Variants in CNBD1 observed in about 807,000 individuals in gnomAD.
CNBD1 encodes the protein cyclic nucleotide-binding domain-containing protein 1.
A neutral mutation model predicts 54.4 loss-of-function variants in CNBD1; 71 were observed. The ratio of observed to expected loss-of-function variants is 1.30; its 90% CI spans 1.08 to 1.59. CNBD1 has a LOEUF of 1.59. Among genes scored for constraint, CNBD1 ranks in the 40% most tolerant of loss-of-function variants. The pLI is 0.00. For synonymous variants in CNBD1, 182 were observed against 170.7 expected, an observed-to-expected ratio of 1.07 and a Z score of -0.51; for missense variants, 659 against 518.0, an observed-to-expected ratio of 1.27 and a Z score of -2.64.
intron 5 of CNBD1, 42 bp downstream of exon 5, chr8:87,206,180 A>C (rs1982046): frequency 7.0e-7 from 1 of 1,426,972 alleles, no homozygotes; most frequent in African/African-American, 1.5e-5. Flanking sequence ...GATAAAATGC[A>C]GGCCACTGTT....
At chr8:87,198,082 G>A (rs1813758438) in intron 4 of CNBD1, among the ~76,000 whole-genome samples, 1 of 152,208 alleles carries the variant, frequency 6.6e-6, no homozygotes. Context: ...CTGGAAATTA[G>A]TCAAATGTTT....
rs537851226 is a variant in CNBD1, at chr8:86,955,901, T to C, written c.431+16147T>C. On this transcript the variant is annotated intron_variant, in intron 4 of 10. Coordinates refer to ENST00000518476, the MANE Select transcript of CNBD1 (RefSeq NM_173538.3). ...TTTGGTGTTTTAGTCATGAAGTCCT[T>C]GCCCATGCCTATATCCTGAATGGTA... 2.6e-5 allele frequency among the ~76,000 whole-genome samples: 4 copies of C among 152,348 alleles called. No homozygotes were observed. In the East Asian group the frequency reaches 7.7e-4, roughly 29 times the overall value.
intron 4 of CNBD1, among the ~76,000 whole-genome samples, chr8:87,185,514 T>G (rs1813455089): frequency 1.3e-5 from 2 of 152,212 alleles, no homozygotes; most frequent in Non-Finnish European, 2.9e-5. Flanking sequence ...TAGATATTGT[T>G]AGGCAGGATC....
chr8:87,371,122 T>C (rs1042129304), intron 10 of CNBD1, among the ~76,000 whole-genome samples: 33 of 151,796 alleles, frequency 2.2e-4, no homozygotes, highest in Admixed American at 3.3e-4. Context: ...GCTGTTTTGG[T>C]TACTGTAGCC....
chr8:87,060,593 GT>G (rs1315807291), intron 4 of CNBD1, among the ~76,000 whole-genome samples: 3 of 152,090 alleles, frequency 2.0e-5, no homozygotes, highest in Non-Finnish European at 4.4e-5. Context: ...CCATTGTATT[GT>G]GAAAGTTCAA....
At chr8:86,874,986 T>TCATATATATA (rs1554626871) in intron 1 of CNBD1, among the ~76,000 whole-genome samples, 1 of 120,120 alleles carries the variant, frequency 8.3e-6, no homozygotes, top group African/African-American at 3.5e-5. Context: ...GTAAATCAAT[T>TCATATATATA]TATATATATA....
At chr8:87,329,211 G>C (rs571642834) in intron 8 of CNBD1, among the ~76,000 whole-genome samples, 14 of 152,214 alleles carry the variant, frequency 9.2e-5, no homozygotes, top group African/African-American at 3.4e-4. Context: ...TGTTTTCAAG[G>C]ATCAGTTGAC....
In CNBD1 at chr8:86,934,432, G is replaced by A. The variant is rs551195914; in HGVS notation, c.273-5164G>A. ...TTGGATATTCCATATATAAGATCAC[G>A]TCATCTGCAAAAAATAACAGCTTTA... On this transcript the variant is annotated intron_variant, in intron 3 of 10. Transcript: ENST00000518476. 4.6e-5 allele frequency among the ~76,000 whole-genome samples: 7 copies of A among 152,074 alleles called. No homozygotes were observed. In the East Asian group the frequency reaches 7.7e-4, roughly 17 times the overall value.
intron 4 of CNBD1, among the ~76,000 whole-genome samples, chr8:87,115,541 C>A (rs145420069): frequency 5.0e-4 from 76 of 152,224 alleles, no homozygotes; most frequent in African/African-American, 1.7e-3. Flanking sequence ...GGAGTCCATA[C>A]CTGATAGACA....
chr8:87,181,650 T>G (rs1185370593), intron 4 of CNBD1, among the ~76,000 whole-genome samples: 3 of 152,202 alleles, frequency 2.0e-5, no homozygotes, highest in Non-Finnish European at 2.9e-5. Flanking sequence ...TTATTGATCT[T>G]CAAAAAACCA....
At chr8:87,344,721 C>T (rs772708520) in intron 8 of CNBD1, among the ~76,000 whole-genome samples, 13 of 152,158 alleles carry the variant, frequency 8.5e-5, no homozygotes, top group South Asian at 2.1e-4. Context: ...AAAAATTACT[C>T]ATACTGTACA....
intron 2 of CNBD1, among the ~76,000 whole-genome samples, chr8:87,391,081 G>T (rs1035591846): frequency 1.1e-4 from 16 of 151,786 alleles, no homozygotes; most frequent in Middle Eastern, 3.2e-3. Flanking sequence ...TCACACACCG[G>T]GGCCTGTTGT....
intron 8 of CNBD1, among the ~76,000 whole-genome samples, chr8:87,303,988 C>G (rs1365860944): frequency 6.6e-6 from 1 of 152,116 alleles, no homozygotes; most frequent in African/African-American, 2.4e-5. Flanking sequence ...CAGGAAACAA[C>G]AGGTGCTGGA....
At chr8:87,110,770 C>T (rs1811645917) in intron 4 of CNBD1, among the ~76,000 whole-genome samples, 1 of 152,178 alleles carries the variant, frequency 6.6e-6, no homozygotes, top group African/African-American at 2.4e-5. Context: ...TAAACTAAGC[C>T]CTGGGGCAAA....
chr8:87,383,072 G>A (rs1033612342), downstream of CNBD1, among the ~76,000 whole-genome samples: 2 of 151,842 alleles, frequency 1.3e-5, no homozygotes, highest in African/African-American at 4.8e-5. Context: ...TATGTAAAAG[G>A]CAAAAAGACA....
intron 2 of CNBD1, among the ~76,000 whole-genome samples, chr8:87,392,305 T>C (rs899739876): frequency 6.6e-6 from 1 of 152,018 alleles, no homozygotes; most frequent in Non-Finnish European, 1.5e-5. Context: ...CTTCTAGGTC[T>C]ATATCCAAGA....
intron 5 of CNBD1, among the ~76,000 whole-genome samples, chr8:87,211,519 T>G (rs1814097879): frequency 6.6e-6 from 1 of 152,136 alleles, no homozygotes; most frequent in East Asian, 1.9e-4. Flanking sequence ...AGGTTTCTGG[T>G]TCTTGGGGGT....
intron 4 of CNBD1, among the ~76,000 whole-genome samples, chr8:87,050,496 C>T (rs1385137028): frequency 6.6e-6 from 1 of 152,162 alleles, no homozygotes; most frequent in Non-Finnish European, 1.5e-5. Flanking sequence ...AGAGATCTCT[C>T]AAAATTGCCT....
intron 4 of CNBD1, among the ~76,000 whole-genome samples, chr8:87,141,607 T>G (rs1339558048): frequency 2.6e-5 from 4 of 152,094 alleles, no homozygotes; most frequent in Admixed American, 2.0e-4. Flanking sequence ...TGGTTGATTT[T>G]TTTTTGGTCT....
Sources: gnomAD v4.1 joint callset for allele counts (sites outside exome capture counted in the v4.1 genomes callset) on GRCh38, gnomAD v4.1.1 for gene constraint, MANE v1.5 for transcripts, NCBI Gene and HGNC (gene_info 2026-07-23, HGNC 2026-07-21) for gene names.